The following NEGR1 variants were observed in gnomAD, a reference collection of about 807,000 sequenced individuals.
NEGR1 encodes the protein IgLON family member 4.
NEGR1 carries 10 observed loss-of-function variants against 40.9 expected under a neutral mutation model. The ratio of observed to expected loss-of-function variants is 0.24; its 90% CI spans 0.15 to 0.42. NEGR1 has a LOEUF of 0.42. NEGR1 is among the 10% of genes least tolerant of loss of function. NEGR1 has a pLI of 1.00. For missense variants in NEGR1, 352 were observed against 438.9 expected, an observed-to-expected ratio of 0.80 and a Z score of 1.77; for synonymous variants, 185 against 166.8, an observed-to-expected ratio of 1.11 and a Z score of -0.84.
chr1:72,247,254 G>C (rs992897204), intron 1 of NEGR1, among the ~76,000 whole-genome samples: 1 of 152,192 alleles, frequency 6.6e-6, no homozygotes, highest in African/African-American at 2.4e-5. Flanking sequence ...TCCAAAGCCA[G>C]TTTAAATTTC....
intron 5 of NEGR1, among the ~76,000 whole-genome samples, chr1:71,600,319 T>C (rs909769288): frequency 6.6e-6 from 1 of 152,200 alleles, no homozygotes; most frequent in African/African-American, 2.4e-5. Context: ...AGAATCCTCA[T>C]TTCCAGGTAG....
intron 1 of NEGR1, among the ~76,000 whole-genome samples, chr1:72,087,527 A>G (rs946551945): frequency 3.3e-5 from 5 of 151,830 alleles, no homozygotes; most frequent in Non-Finnish European, 7.4e-5. Context: ...GAAATAATAG[A>G]ATGGCATTTA....
chr1:71,943,581 G>C (rs1250202609), intron 1 of NEGR1, among the ~76,000 whole-genome samples: 1 of 152,036 alleles, frequency 6.6e-6, no homozygotes, highest in East Asian at 1.9e-4. Context: ...TGTAAAGGGT[G>C]CTTCAATACA....
chr1:71,593,997 C>T (rs999675628), intron 5 of NEGR1, among the ~76,000 whole-genome samples: 1 of 152,172 alleles, frequency 6.6e-6, no homozygotes, highest in African/African-American at 2.4e-5. Context: ...AGGCTAAATG[C>T]ACATGCTTTC....
chr1:71,535,357 T>C (rs1220510297), intron 6 of NEGR1, among the ~76,000 whole-genome samples: 1 of 151,736 alleles, frequency 6.6e-6, no homozygotes, highest in Non-Finnish European at 1.5e-5. Flanking sequence ...AAAAGGATAG[T>C]AGAAACAAAT....
At chr1:71,491,606 CT>C (rs1646928270) in intron 6 of NEGR1, among the ~76,000 whole-genome samples, 1 of 151,338 alleles carries the variant, frequency 6.6e-6, no homozygotes, top group East Asian at 2.0e-4. Flanking sequence ...AAAATATGAC[CT>C]CACAGCAGAG....
intron 1 of NEGR1, among the ~76,000 whole-genome samples, chr1:72,009,882 G>A (rs1646641302): frequency 6.6e-6 from 1 of 151,896 alleles, no homozygotes; most frequent in Admixed American, 6.6e-5. Context: ...CTAAATACAG[G>A]GGTCAGACAT....
intron 6 of NEGR1, among the ~76,000 whole-genome samples, chr1:71,488,535 A>G (rs1033131257): frequency 6.6e-6 from 1 of 151,748 alleles, no homozygotes; most frequent in African/African-American, 2.4e-5. Context: ...CAAAGTTATC[A>G]TTCCATTTCC....
chr1:71,660,779 C>A (rs981678455), intron 4 of NEGR1, among the ~76,000 whole-genome samples: 1 of 152,068 alleles, frequency 6.6e-6, no homozygotes, highest in Non-Finnish European at 1.5e-5. Flanking sequence ...TATACACGTG[C>A]CATGGTGGTT....
At chr1:71,636,076 T>A (rs1158503141) in intron 4 of NEGR1, among the ~76,000 whole-genome samples, 1 of 152,102 alleles carries the variant, frequency 6.6e-6, no homozygotes, top group Non-Finnish European at 1.5e-5. Context: ...AATAGATAAA[T>A]GTTTCATCGT....
chr1:72,185,566 G>T (rs1012009709), intron 1 of NEGR1, among the ~76,000 whole-genome samples: 2 of 151,832 alleles, frequency 1.3e-5, no homozygotes, highest in Non-Finnish European at 2.9e-5. Flanking sequence ...AATGGAAATG[G>T]AATTCATTGA....
At chr1:71,758,086 G>C (rs926789311) in intron 3 of NEGR1, among the ~76,000 whole-genome samples, 1 of 151,970 alleles carries the variant, frequency 6.6e-6, no homozygotes, top group Non-Finnish European at 1.5e-5. Flanking sequence ...GGGAGCTTAA[G>C]AAATATACTC....
chr1:71,997,185 T>C (rs1048938807), intron 1 of NEGR1, among the ~76,000 whole-genome samples: 2 of 152,056 alleles, frequency 1.3e-5, no homozygotes, highest in South Asian at 2.1e-4. Flanking sequence ...AAATCGAAGT[T>C]CTCATTTTAC....
intron 1 of NEGR1, among the ~76,000 whole-genome samples, chr1:72,231,196 A>T (rs1654352651): frequency 6.6e-6 from 1 of 152,186 alleles, no homozygotes; most frequent in African/African-American, 2.4e-5. Context: ...TGACTCCTGA[A>T]GATTGCTGTC....
At chr1:72,050,034 T>C (rs4348675) in intron 1 of NEGR1, among the ~76,000 whole-genome samples, 13,567 of 151,618 alleles carry the variant, frequency 0.089, 780 homozygotes, top group Non-Finnish European at 0.14. Flanking sequence ...GCTGCTTATA[T>C]GGGATTTTAA....
intron 1 of NEGR1, among the ~76,000 whole-genome samples, chr1:72,166,782 T>C (rs1317298645): frequency 1.3e-5 from 2 of 152,118 alleles, no homozygotes; most frequent in Non-Finnish European, 2.9e-5. Context: ...ATGGATGTGT[T>C]AATTAGCTTG....
chr1:71,673,126 C>A (rs1652492700), intron 4 of NEGR1, among the ~76,000 whole-genome samples: 1 of 152,048 alleles, frequency 6.6e-6, no homozygotes, highest in Admixed American at 6.6e-5. Context: ...GTAGTCCCAG[C>A]TACTTGGGAG....
intron 2 of NEGR1, among the ~76,000 whole-genome samples, chr1:71,784,013 G>A (rs981870603): frequency 2.0e-5 from 3 of 152,098 alleles, no homozygotes; most frequent in Non-Finnish European, 2.9e-5. Context: ...GGTGTATTGG[G>A]AACACAGATT....
chr1:71,498,366 T>A (rs1646978367), intron 6 of NEGR1, among the ~76,000 whole-genome samples: 1 of 151,978 alleles, frequency 6.6e-6, no homozygotes, highest in Non-Finnish European at 1.5e-5. Context: ...TAATATCCTT[T>A]TAACAGAAAA....
Sources: allele counts gnomAD v4.1 joint callset (sites outside exome capture counted in the v4.1 genomes callset), GRCh38; gene constraint gnomAD v4.1.1; transcripts MANE v1.5; gene names NCBI Gene and HGNC (gene_info 2026-07-23, HGNC 2026-07-21).